FAAH2: variants seen among roughly 807,000 people sequenced by gnomAD.
FAAH2 encodes fatty acid amide hydrolase 2.
FAAH2 carries 60 observed loss-of-function variants against 36.9 expected under a neutral mutation model. That is an observed-to-expected ratio of 1.63 (90% CI 1.32 to 2.02). FAAH2 has a LOEUF of 2.02. FAAH2 is among the 30% of genes most tolerant of loss of function. The probability of loss-of-function intolerance (pLI) is 0.00; values close to 1 mark genes in which losing one functional copy is unlikely to be tolerated. For synonymous variants in FAAH2, 214 were observed against 143.8 expected (o/e 1.49, Z -3.49); for missense variants, 689 against 397.5 (o/e 1.73, Z -6.23).
chrX:57,296,031 A>G (rs1307661647), intron 2 of FAAH2, among the ~76,000 whole-genome samples: 2 of 112,482 alleles, frequency 1.8e-5, no homozygotes, highest in Admixed American at 9.4e-5. Flanking sequence ...TGGGGGCAGG[A>G]CACAGACAAA....
chrX:57,333,680 G>T (rs1364560288), intron 4 of FAAH2, among the ~76,000 whole-genome samples: 4 of 111,241 alleles, frequency 3.6e-5, no homozygotes, highest in Non-Finnish European at 7.5e-5. Context: ...AACCTTCGGT[G>T]ATGTGGAAGA....
At chrX:57,367,493 C>T (rs2054448146) in intron 5 of FAAH2, among the ~76,000 whole-genome samples, 1 of 111,957 alleles carries the variant, frequency 8.9e-6, no homozygotes, top group Non-Finnish European at 1.9e-5. Context: ...TCAGCAAGAC[C>T]ATTTAGAAGC....
chrX:57,278,713 A>G, the FAAH2 span, among the ~76,000 whole-genome samples: 1 of 112,006 alleles, frequency 8.9e-6, no homozygotes, highest in Non-Finnish European at 1.9e-5. Context: ...TATCCACCTG[A>G]CAAAGGGCTA....
chrX:57,447,135 C>A, intron 9 of FAAH2, 96 bp downstream of exon 9: 2 of 560,140 alleles, frequency 3.6e-6, no homozygotes, highest in Middle Eastern at 4.6e-4. Context: ...CATGCAAGTC[C>A]AAAATCCAGT....
chrX:57,219,035 G>C, the FAAH2 span, among the ~76,000 whole-genome samples: 2 of 111,772 alleles, frequency 1.8e-5, no homozygotes, highest in Admixed American at 1.9e-4. Context: ...GTGTGCGGCA[G>C]CATGCACCAG....
At chrX:57,268,040 G>A in the FAAH2 span, among the ~76,000 whole-genome samples, 1 of 112,111 alleles carries the variant, frequency 8.9e-6, no homozygotes, top group Non-Finnish European at 1.9e-5. Context: ...AATATTGATA[G>A]GAGCAAAGTT....
chrX:57,241,597 T>C, the FAAH2 span, among the ~76,000 whole-genome samples: 1 of 111,775 alleles, frequency 8.9e-6, no homozygotes, highest in African/African-American at 3.3e-5. Context: ...TCTGGTTACA[T>C]GTATGTGTTC....
intron 7 of FAAH2, among the ~76,000 whole-genome samples, chrX:57,381,328 T>A (rs2147224925): frequency 8.9e-6 from 1 of 111,821 alleles, no homozygotes; most frequent in African/African-American, 3.2e-5. Context: ...CCTATGCTAA[T>A]GTGTAGATGT....
chrX:57,153,733 C>T, the FAAH2 span, among the ~76,000 whole-genome samples: 4 of 112,486 alleles, frequency 3.6e-5, no homozygotes, highest in Non-Finnish European at 7.5e-5. Flanking sequence ...GAGAAATTTT[C>T]TGTTAATCTG....
chrX:57,222,292 C>A, the FAAH2 span, among the ~76,000 whole-genome samples: 2 of 111,948 alleles, frequency 1.8e-5, no homozygotes, highest in African/African-American at 6.5e-5. Context: ...TCTGCACAGC[C>A]TATTACCCAA....
intron 10 of FAAH2, among the ~76,000 whole-genome samples, chrX:57,474,679 G>A (rs1456261292): frequency 8.9e-6 from 1 of 112,119 alleles, no homozygotes; most frequent in East Asian, 2.8e-4. Context: ...ATGTGTGCAT[G>A]TGTCTTTATA....
At chrX:57,485,078 G>A (rs1202675028) in intron 10 of FAAH2, among the ~76,000 whole-genome samples, 1 of 112,017 alleles carries the variant, frequency 8.9e-6, no homozygotes, top group Non-Finnish European at 1.9e-5. Context: ...GGGCAAGCCA[G>A]CCATGATGTG....
chrX:57,277,610 T>C, the FAAH2 span, among the ~76,000 whole-genome samples: 46 of 111,616 alleles, frequency 4.1e-4, no homozygotes, highest in African/African-American at 1.4e-3. Context: ...GGGTATTCAA[T>C]TAGGAAAAGA....
chrX:57,140,009 A>G, the FAAH2 span, among the ~76,000 whole-genome samples: 29 of 111,384 alleles, frequency 2.6e-4, no homozygotes, highest in African/African-American at 9.5e-4. Flanking sequence ...ATACTTTTCT[A>G]TTTTTGTGTT....
the FAAH2 span, among the ~76,000 whole-genome samples, chrX:57,151,344 C>T: frequency 8.9e-6 from 1 of 112,029 alleles, no homozygotes; most frequent in African/African-American, 3.2e-5. Context: ...TGGATAATAT[C>T]CTGCAGAGTG....
chrX:57,151,510 T>TTGA, the FAAH2 span, among the ~76,000 whole-genome samples: 3 of 111,868 alleles, frequency 2.7e-5, no homozygotes, highest in African/African-American at 9.8e-5. Context: ...TTTCATTCAT[T>TTGA]TCATCTTCCA....
At chrX:57,170,585 C>T in the FAAH2 span, among the ~76,000 whole-genome samples, 1 of 111,203 alleles carries the variant, frequency 9.0e-6, no homozygotes, top group South Asian at 3.8e-4. Flanking sequence ...TCCTTGACCC[C>T]CTTCTACACT....
intron 7 of FAAH2, among the ~76,000 whole-genome samples, chrX:57,391,093 C>A (rs1203963869): frequency 1.8e-5 from 2 of 111,038 alleles, no homozygotes; most frequent in African/African-American, 6.6e-5. Context: ...AGCACCTTTT[C>A]ATAATTTTTT....
rs1010359655 is a variant in FAAH2 at position 57,339,547 on chromosome X, A to G, written c.623-1724A>G. ...AGGTCTAATATGCAGTGTACAAGGA[A>G]CTTAAACAAATTTACAAGAAAAAAA... On this transcript the variant is annotated intron_variant, in intron 4 of 10. Transcript: ENST00000374900. Among the ~76,000 whole-genome samples, 19 of 99,006 alleles carry G rather than the reference A, an allele frequency of 1.9e-4. 1 individual carries two copies. Among genetic ancestry groups the G allele is most frequent in the African/African-American group, 7.8e-4 (19 of 24,460 alleles). 86.0% of individuals were successfully genotyped at this position (99,006 alleles called of 115,157 possible).
Sources: gnomAD v4.1 joint callset for allele counts (sites outside exome capture counted in the v4.1 genomes callset) on GRCh38, gnomAD v4.1.1 for gene constraint, MANE v1.5 for transcripts, NCBI Gene and HGNC (gene_info 2026-07-23, HGNC 2026-07-21) for gene names.